Variants in RICTOR observed in about 807,000 individuals in gnomAD.
The protein encoded by RICTOR is RPTOR independent companion of MTOR complex 2, also known as rapamycin-insensitive companion of mTOR.
RICTOR carries 49 observed loss-of-function variants against 214.9 expected under a neutral mutation model. The observed-to-expected ratio is 0.23, with a 90% CI of 0.18 to 0.29. RICTOR has a LOEUF of 0.29. Among genes scored for constraint, RICTOR ranks in the 10% least tolerant of loss-of-function variants. The pLI is 1.00. For synonymous variants in RICTOR, 717 were observed against 711.3 expected (o/e 1.01, Z -0.13); for missense variants, 1,625 against 2,047.0 (o/e 0.79, Z 3.98).
intron 10 of RICTOR, among the ~76,000 whole-genome samples, chr5:38,975,068 A>G (rs1308316905): frequency 6.6e-6 from 1 of 152,212 alleles, no homozygotes; most frequent in East Asian, 1.9e-4. Context: ...TATTTTAAAA[A>G]CAATACTTAC....
intron 2 of RICTOR, among the ~76,000 whole-genome samples, chr5:39,040,211 G>T (rs970744770): frequency 6.6e-6 from 1 of 150,960 alleles, no homozygotes; most frequent in South Asian, 2.1e-4. Context: ...GCAAACTATT[G>T]CAAGGACAAA....
At chr5:39,030,219 T>C (rs1180661480) in intron 2 of RICTOR, among the ~76,000 whole-genome samples, 1 of 152,158 alleles carries the variant, frequency 6.6e-6, no homozygotes, top group African/African-American at 2.4e-5. Context: ...TTTTGATACA[T>C]AATTCTATCT....
At chr5:39,058,537 C>A (rs1239199373) in intron 2 of RICTOR, among the ~76,000 whole-genome samples, 2 of 152,032 alleles carry the variant, frequency 1.3e-5, no homozygotes, top group South Asian at 2.1e-4. Context: ...TCTAATGGTT[C>A]ATTTTGAACT....
intron 31 of RICTOR, 119 bp downstream of exon 31, chr5:38,949,593 A>G: frequency 9.4e-7 from 1 of 1,067,254 alleles, no homozygotes; most frequent in East Asian, 2.4e-5. Flanking sequence ...CTACCATAGT[A>G]AACAATTATA....
chr5:38,985,390 G>A (rs1752086678), intron 7 of RICTOR, among the ~76,000 whole-genome samples: 1 of 151,998 alleles, frequency 6.6e-6, no homozygotes, highest in Admixed American at 6.5e-5. Flanking sequence ...AACTGCGGAT[G>A]GTTCAATCCA....
At chr5:38,949,449 T>C (rs377027348) in intron 31 of RICTOR, 16 of 1,565,044 alleles carry the variant, frequency 1.0e-5, no homozygotes, top group Non-Finnish European at 1.4e-5. Flanking sequence ...GAGAAATAAA[T>C]AAAAAAAAGC....
intron 2 of RICTOR, among the ~76,000 whole-genome samples, chr5:39,072,573 A>G (rs1056741811): frequency 6.6e-6 from 1 of 152,196 alleles, no homozygotes; most frequent in African/African-American, 2.4e-5. Flanking sequence ...TCACTCACTA[A>G]TTACATCTTT....
chr5:38,950,415 C>T lies in RICTOR; in HGVS notation c.3433G>A (p.Asp1145Asn), dbSNP rs2112855646. ...TEPSVDFNHSDDFTPISTVQK... is the reference protein window; with the variant it reads ...TEPSVDFNHSNDFTPISTVQK... ...ACAGTGGATATGGGTGTAAAATCAT[C>T]ACTATGATTAAAATCAACACTGGGC... Residue 1145 changes from aspartate (D) to asparagine (N), a missense_variant, in exon 31 of 38, where the codon GAT (aspartate) becomes AAT (asparagine). This residue lies in a region of RICTOR where 1,214 missense variants were observed against 1,470.5 expected (regional missense o/e 0.83). Transcript: ENST00000357387. 1 of 1,612,858 alleles carries T rather than the reference C, an allele frequency of 6.2e-7. No homozygotes were observed. The highest frequency in any genetic ancestry group is 8.5e-7 in the Non-Finnish European group (1 of 1,179,056).
chr5:39,042,376 T>C (rs1393264364), intron 2 of RICTOR, among the ~76,000 whole-genome samples: 1 of 151,324 alleles, frequency 6.6e-6, no homozygotes, highest in African/African-American at 2.4e-5. Context: ...GCATGAATAA[T>C]CTCTTTTAAT....
At chr5:39,053,943 T>G (rs1342491129) in intron 2 of RICTOR, among the ~76,000 whole-genome samples, 6 of 132,404 alleles carry the variant, frequency 4.5e-5, no homozygotes, top group African/African-American at 5.7e-5. Flanking sequence ...TTAGCCGGGC[T>G]TGGTGGTGGG....
chr5:39,028,304 T>A (rs1756002090), intron 2 of RICTOR, among the ~76,000 whole-genome samples: 1 of 143,044 alleles, frequency 7.0e-6, no homozygotes, highest in Non-Finnish European at 1.5e-5. Flanking sequence ...TGCCTCAGCC[T>A]CCCAAGTAGC....
At chr5:39,031,333 T>C (rs570533061) in intron 2 of RICTOR, among the ~76,000 whole-genome samples, 1 of 152,186 alleles carries the variant, frequency 6.6e-6, no homozygotes, top group Non-Finnish European at 1.5e-5. Flanking sequence ...GGAAAATTTA[T>C]CCTTAAAAGT....
At position 38,967,924 on chromosome 5, in the gene RICTOR, A is replaced by T; in HGVS notation, c.1060+19T>A. The stretch of plus-strand genomic sequence containing the variant: ...AAATTACAATATATGAAAAGATACA[A>T]ATGTACTTCAATACTTACCTACACT... On this transcript the variant is annotated intron_variant, in intron 12 of 37. Transcript: ENST00000357387. 1 of 1,255,270 alleles carries T rather than the reference A, an allele frequency of 8.0e-7. No homozygotes were observed. The highest frequency in any genetic ancestry group is 1.5e-5 in the African/African-American group (1 of 67,396). 77.8% of individuals were successfully genotyped at this position (1,255,270 alleles called of 1,614,324 possible). A position where few individuals can be genotyped will look rare whatever the true frequency, so the allele number is the denominator to read the frequency against.
At chr5:39,056,595 C>A (rs1047884938) in intron 2 of RICTOR, among the ~76,000 whole-genome samples, 2 of 151,930 alleles carry the variant, frequency 1.3e-5, no homozygotes, top group African/African-American at 4.8e-5. Context: ...CATGATCATG[C>A]CACTGCCCTC....
Position 38,939,376 on chromosome 5 carries a change from T to C in RICTOR, c.*2928A>G, listed in dbSNP as rs1747287974. The stretch of plus-strand genomic sequence containing the variant: ...AATGTATATACTTCCAAAGAGCCTC[T>C]TTTAATGTCACTGTCATATAGAATG... On this transcript the variant is annotated 3_prime_UTR_variant, in exon 38 of 38. Coordinates refer to ENST00000357387, the MANE Select transcript of RICTOR (RefSeq NM_152756.5). 4.3e-6 allele frequency: 1 copy of C among 232,256 alleles called. No individual in the cohort carries two copies. Among genetic ancestry groups the C allele is most frequent in the African/African-American group, 2.2e-5 (1 of 45,324 alleles). The allele number at this position is 232,256 out of a possible 1,614,324, so 14.4% of individuals were successfully genotyped here.
rs75935770 is a variant in RICTOR at position 39,021,440 on chromosome 5, C to A, written c.98-304G>T. 4.7e-3 allele frequency among the ~76,000 whole-genome samples: 723 copies of A among 152,248 alleles called. 11 individuals are homozygous for A. Among genetic ancestry groups the A allele is most frequent in the African/African-American group, 0.017 (697 of 41,528 alleles). On this transcript the variant is annotated intron_variant, in intron 2 of 37. Coordinates refer to ENST00000357387, the MANE Select transcript of RICTOR (RefSeq NM_152756.5). ...CAAAGTTGTGTTGGAAACTTAACCACTAATGCAAAAGTGCTGAGAAGTGGG... is the reference window on the plus strand; with the variant it reads ...CAAAGTTGTGTTGGAAACTTAACCAATAATGCAAAAGTGCTGAGAAGTGGG...
chr5:39,002,587 A>G lies in RICTOR; in HGVS notation c.340T>C (p.Ser114Pro). The change falls in exon 5 of 38, where the codon TCC (serine) becomes CCC (proline). Residue 114 changes from serine to proline, a missense_variant. Physicochemically the swap from Ser to Pro is moderately conservative, Grantham distance 74. Coordinates refer to ENST00000357387, the MANE Select transcript of RICTOR (RefSeq NM_152756.5). ...TTTAGCACCTTCTGGAGAATACTGG[A>G]GTCTTGGATGAGATATCGAAGCGCT... is the stretch of plus-strand genomic sequence containing the variant. ...LRALRYLIQD[S>P]SILQKVLKLK... 3 of 1,611,218 alleles carry G rather than the reference A, an allele frequency of 1.9e-6. No homozygotes were observed. The highest frequency in any genetic ancestry group is 2.5e-6 in the Non-Finnish European group (3 of 1,177,704).
At chr5:38,992,618 CTACTA>C (rs1466091662) in intron 6 of RICTOR, among the ~76,000 whole-genome samples, 2 of 152,044 alleles carry the variant, frequency 1.3e-5, no homozygotes, top group East Asian at 3.9e-4. Context: ...AATCTTGTGT[CTACTA>C]AACATATACT....
chr5:39,055,247 ACTCT>A (rs991278780), intron 2 of RICTOR, among the ~76,000 whole-genome samples: 1 of 149,144 alleles, frequency 6.7e-6, no homozygotes, highest in Admixed American at 6.7e-5. Flanking sequence ...ATATTCCCAT[ACTCT>A]CTCTCTCATT....
Sources: gnomAD v4.1 joint callset for allele counts (sites outside exome capture counted in the v4.1 genomes callset) on GRCh38, gnomAD v4.1.1 for gene constraint, gnomAD v4.1.1 regional missense constraint, MANE v1.5 for transcripts, NCBI Gene and HGNC (gene_info 2026-07-23, HGNC 2026-07-21) for gene names.